Variants in ROBO2 observed in about 807,000 individuals in gnomAD.
ROBO2 encodes the protein roundabout homolog 2.
In ROBO2, 53 loss-of-function variants were observed where a neutral mutation model predicts 160.8. The ratio of observed to expected loss-of-function variants is 0.33; its 90% CI spans 0.26 to 0.41. ROBO2 has a LOEUF of 0.41. Among genes scored for constraint, ROBO2 ranks in the 10% least tolerant of loss-of-function variants. The pLI is 1.00. For missense variants in ROBO2, 1,577 were observed against 1,722.4 expected (o/e 0.92, Z 1.49); for synonymous variants, 664 against 611.7 (o/e 1.09, Z -1.26).
intron 2 of ROBO2, among the ~76,000 whole-genome samples, chr3:77,156,062 T>C (rs1481158202): frequency 1.3e-5 from 2 of 152,016 alleles, no homozygotes; most frequent in Non-Finnish European, 2.9e-5. Context: ...TTCTGAGTTG[T>C]ACCCACATAA....
chr3:76,317,521 A>C (rs886987314), intron 2 of ROBO2, among the ~76,000 whole-genome samples: 1 of 152,148 alleles, frequency 6.6e-6, no homozygotes, highest in Non-Finnish European at 1.5e-5. Flanking sequence ...GAATCTGGAA[A>C]CTGAACTGTA....
chr3:76,976,263 A>G (rs1250600878), intron 2 of ROBO2, among the ~76,000 whole-genome samples: 1 of 152,200 alleles, frequency 6.6e-6, no homozygotes, highest in East Asian at 1.9e-4. Flanking sequence ...CTAGAGGATT[A>G]TCTACATTGT....
chr3:76,531,553 C>T (rs1339775135), intron 2 of ROBO2, among the ~76,000 whole-genome samples: 2 of 151,086 alleles, frequency 1.3e-5, no homozygotes, highest in Non-Finnish European at 2.9e-5. Context: ...GGTAAAACAA[C>T]TGCCCTATAG....
intron 1 of ROBO2, among the ~76,000 whole-genome samples, chr3:75,928,899 T>TTA (rs1559759101): frequency 3.0e-4 from 34 of 112,678 alleles, no homozygotes; most frequent in African/African-American, 1.1e-3. Context: ...TGTGTGTGTG[T>TTA]GTGATAGCTG....
rs542594153 is a variant in ROBO2, at chr3:77,156,794, A to T, written c.388+58454A>T. 2.1e-3 allele frequency among the ~76,000 whole-genome samples: 319 copies of T among 150,912 alleles called. 1 individual carries two copies. The highest frequency in any genetic ancestry group is 7.3e-3 in the African/African-American group (302 of 41,376). On this transcript the variant is annotated intron_variant, in intron 2 of 25. Transcript: ENST00000461745. ...AGAATATATAAAAATATTCATTAGA[A>T]TATTCATTAGAATGTATAAAAAATA...
At chr3:76,640,606 T>C (rs1477090331) in intron 2 of ROBO2, among the ~76,000 whole-genome samples, 1 of 151,446 alleles carries the variant, frequency 6.6e-6, no homozygotes, top group East Asian at 1.9e-4. Context: ...AGTGTGTGTG[T>C]GTGTGTGTGT....
chr3:77,427,899 T>C (rs1432054560), intron 2 of ROBO2, among the ~76,000 whole-genome samples: 1 of 152,212 alleles, frequency 6.6e-6, no homozygotes, highest in East Asian at 1.9e-4. Context: ...ATCCTTGATA[T>C]AAAAAGATTA....
At chr3:76,590,263 T>A (rs141891705) in intron 2 of ROBO2, among the ~76,000 whole-genome samples, 1 of 152,298 alleles carries the variant, frequency 6.6e-6, no homozygotes, top group East Asian at 1.9e-4. Context: ...GTAATTTAAC[T>A]CTGTCTCCCA....
intron 2 of ROBO2, among the ~76,000 whole-genome samples, chr3:76,069,255 C>T (rs1419960619): frequency 6.6e-6 from 1 of 152,188 alleles, no homozygotes; most frequent in African/African-American, 2.4e-5. Flanking sequence ...ACCTGGTTCT[C>T]CTGCAAGTTG....
intron 2 of ROBO2, among the ~76,000 whole-genome samples, chr3:77,438,149 GCT>G: frequency 7.3e-6 from 1 of 137,166 alleles, no homozygotes; most frequent in Admixed American, 7.0e-5. Context: ...GTGCTTGCAC[GCT>G]CTCTCTCTGT....
At chr3:76,016,664 G>T (rs1429680983) in intron 2 of ROBO2, among the ~76,000 whole-genome samples, 1 of 151,946 alleles carries the variant, frequency 6.6e-6, no homozygotes, top group East Asian at 1.9e-4. Context: ...AAATAAACTG[G>T]TATATGCAAA....
intron 5 of ROBO2, among the ~76,000 whole-genome samples, chr3:77,520,324 A>G (rs1056185242): frequency 6.6e-6 from 1 of 151,232 alleles, no homozygotes; most frequent in Non-Finnish European, 1.5e-5. Context: ...TGGTTTTTCT[A>G]TTTATTGATA....
chr3:77,132,194 C>G (rs1426356737), intron 2 of ROBO2, among the ~76,000 whole-genome samples: 1 of 151,992 alleles, frequency 6.6e-6, no homozygotes, highest in Non-Finnish European at 1.5e-5. Flanking sequence ...ATCCAACACT[C>G]TTGTATTGAA....
At chr3:76,119,699 G>GA (rs112596283) in intron 2 of ROBO2, among the ~76,000 whole-genome samples, 1 of 151,718 alleles carries the variant, frequency 6.6e-6, no homozygotes, top group Non-Finnish European at 1.5e-5. Context: ...ATTATCATAG[G>GA]AAAAAAATGA....
intron 2 of ROBO2, among the ~76,000 whole-genome samples, chr3:77,315,847 A>G (rs1336344191): frequency 6.6e-6 from 1 of 152,170 alleles, no homozygotes; most frequent in Non-Finnish European, 1.5e-5. Flanking sequence ...CTCGTCTTAA[A>G]AAGAGCCAGG....
At chr3:76,759,441 A>AT (rs2061172891) in intron 2 of ROBO2, among the ~76,000 whole-genome samples, 1 of 151,848 alleles carries the variant, frequency 6.6e-6, no homozygotes, top group South Asian at 2.1e-4. Context: ...AATGATGTGG[A>AT]TTTTTTTAGT....
chr3:77,285,969 A>T (rs1373524601), intron 2 of ROBO2, among the ~76,000 whole-genome samples: 1 of 152,170 alleles, frequency 6.6e-6, no homozygotes, highest in Non-Finnish European at 1.5e-5. Flanking sequence ...AAAGCTATGA[A>T]GAGAAAATCA....
At chr3:77,477,614 A>G in intron 3 of ROBO2, 43 bp downstream of exon 3, 3 of 1,561,818 alleles carry the variant, frequency 1.9e-6, no homozygotes, top group Non-Finnish European at 2.6e-6. Context: ...TTGAATTTTC[A>G]GTCTCAAAAT....
intron 2 of ROBO2, among the ~76,000 whole-genome samples, chr3:77,289,668 T>G (rs2060930114): frequency 6.8e-6 from 1 of 146,468 alleles, no homozygotes; most frequent in Non-Finnish European, 1.5e-5. Context: ...AATTAATGGT[T>G]AAATGGGAAG....
Sources: gnomAD v4.1 joint callset for allele counts (sites outside exome capture counted in the v4.1 genomes callset) on GRCh38, gnomAD v4.1.1 for gene constraint, MANE v1.5 for transcripts, NCBI Gene and HGNC (gene_info 2026-07-23, HGNC 2026-07-21) for gene names.